Variants in PGM2L1 observed in about 807,000 individuals in gnomAD.
The protein encoded by PGM2L1 is glucose 1,6-bisphosphate synthase.
Under a neutral mutation model 73.4 loss-of-function variants are expected in PGM2L1, and 35 were observed. The observed-to-expected ratio is 0.48, with a 90% CI of 0.36 to 0.63. The LOEUF is 0.63. Among genes scored for constraint, PGM2L1 ranks in the 30% least tolerant of loss-of-function variants. The pLI, the probability that PGM2L1 is intolerant of heterozygous loss-of-function variation, is 0.00. For missense variants in PGM2L1, 570 were observed against 742.0 expected, an observed-to-expected ratio of 0.77 and a Z score of 2.69; for synonymous variants, 225 against 253.8, an observed-to-expected ratio of 0.89 and a Z score of 1.08.
rs922979621 is a variant in PGM2L1 at position 74,371,927 on chromosome 11, T to C, written c.280-110A>G. 5.5e-6 allele frequency: 5 copies of C among 909,342 alleles called. 1 individual carries two copies. Among genetic ancestry groups the C allele is most frequent in the Non-Finnish European group, 8.9e-6 (5 of 564,636 alleles). 56.3% of individuals were successfully genotyped at this position (909,342 alleles called of 1,614,324 possible). A position where few individuals can be genotyped will look rare whatever the true frequency, so the allele number is the denominator to read the frequency against. On this transcript the variant is annotated intron_variant, in intron 2 of 13. Coordinates refer to ENST00000298198, the MANE Select transcript of PGM2L1 (RefSeq NM_173582.6). ...TGCAGCTGACTGGCTGCTAGGGAAG[T>C]GGCTTCTGCCTTTATGCCCATGTTT...
At chr11:74,374,787 A>G (rs183329605) in intron 1 of PGM2L1, among the ~76,000 whole-genome samples, 27 of 152,328 alleles carry the variant, frequency 1.8e-4, no homozygotes, top group Non-Finnish European at 3.1e-4. Context: ...GGTGATTTAT[A>G]TATCTTTTAA....
At chr11:74,345,285 G>A (rs1043915166) in intron 9 of PGM2L1, among the ~76,000 whole-genome samples, 184 bp downstream of exon 9, 2 of 151,926 alleles carry the variant, frequency 1.3e-5, no homozygotes, top group African/African-American at 4.8e-5. Flanking sequence ...ATTCATATAC[G>A]GTACTGGATG....
intron 12 of PGM2L1, among the ~76,000 whole-genome samples, chr11:74,339,969 C>T (rs1174882980): frequency 6.6e-6 from 1 of 152,210 alleles, no homozygotes; most frequent in Admixed American, 6.5e-5. Context: ...CATGCCTCCC[C>T]TGGTAGCACT....
chr11:74,367,350 C>T (rs3867272), intron 5 of PGM2L1, among the ~76,000 whole-genome samples: 82,419 of 151,978 alleles, frequency 0.54, 24,612 homozygotes, highest in East Asian at 0.8. Flanking sequence ...CCTATAATTC[C>T]TTGCACTCTT....
intron 1 of PGM2L1, among the ~76,000 whole-genome samples, chr11:74,394,663 C>T (rs1245627106): frequency 2.6e-5 from 4 of 152,160 alleles, no homozygotes. Flanking sequence ...GTTCTTAATA[C>T]ACACATTAAA....
intron 13 of PGM2L1, 25 bp downstream of exon 13, chr11:74,338,443 A>G (rs776868261): frequency 6.6e-7 from 1 of 1,508,246 alleles, no homozygotes. Flanking sequence ...TTTTGTATGT[A>G]TATCTTAAAA....
rs186899177 is a variant in PGM2L1 at position 74,338,605 on chromosome 11, T to G, written c.1633-4A>C. On this transcript the variant is annotated splice_region_variant and splice_polypyrimidine_tract_variant and intron_variant, in intron 12 of 13. Transcript: ENST00000298198. ...TGTTTTTACTCACAGGCAGCACCTA[T>G]GCAAAATGGCAACAACAGCTTAATT... The G allele has an allele frequency of 1.3e-6, 2 of 1,580,894 alleles. No homozygotes were observed. Among genetic ancestry groups the G allele is most frequent in the African/African-American group, 2.7e-5 (2 of 74,398 alleles).
rs562546382 is a variant in PGM2L1, at chr11:74,345,589, A to C, written c.1098T>G (p.Phe366Leu). The change falls in exon 9 of 14, where the codon TTT becomes TTG. Residue 366 changes from phenylalanine (F) to leucine (L), a missense_variant. Transcript: ENST00000298198. The part of the protein sequence containing the change: ...ELAALFGWWM[F>L]DCWKKNKSRN... ...TTGATTTATTTTTCTTCCAGCAATC[A>C]AACATCCACCATCCAAACAAAGCTG... The C allele has an allele frequency of 4.3e-6, 7 of 1,613,890 alleles. No individual in the cohort carries two copies. In the African/African-American group the frequency reaches 8.0e-5, roughly 18 times the overall value.
In PGM2L1 at chr11:74,345,496, A is replaced by G; in HGVS notation, c.1191T>C (p.Ile397=). Residue 397 remains isoleucine, a synonymous_variant, in exon 9 of 14, where the codon ATT becomes ATC. Coordinates refer to ENST00000298198, the MANE Select transcript of PGM2L1 (RefSeq NM_173582.6). Reference sequence around the variant, plus strand: ...CAAAATGAAATCCTTCTTTAAGTGCAATTGCCTTCAGAATTTTAGAAGAGA... The same window carrying G: ...CAAAATGAAATCCTTCTTTAAGTGCGATTGCCTTCAGAATTTTAGAAGAGA... ...TTVSSKILKA[I]ALKEGFHFEE... is the part of the protein sequence containing the mutation. 1 of 1,612,456 alleles carries G rather than the reference A, an allele frequency of 6.2e-7. No individual in the cohort carries two copies. The highest frequency in any genetic ancestry group is 8.5e-7 in the Non-Finnish European group (1 of 1,178,788).
In PGM2L1 at chr11:74,368,562, T is replaced by C. The variant is rs1416506308; in HGVS notation, c.485A>G (p.Gln162Arg). ...VPTPFVPYAVQKLKAVAGVMI... is the reference protein window; with the variant it reads ...VPTPFVPYAVRKLKAVAGVMI... The stretch of plus-strand genomic sequence containing the variant: ...CACACCTGCAACTGCTTTGAGCTTC[T>C]GAACTGCATATGGCTGAAAAATAAA... Residue 162 changes from glutamine to arginine, a missense_variant, in exon 5 of 14, where the codon CAG becomes CGG. Gln to Arg is a conservative substitution (Grantham distance 43). Transcript: ENST00000298198. 1.2e-6 allele frequency: 2 copies of C among 1,613,756 alleles called. No homozygotes were observed. Among genetic ancestry groups the C allele is most frequent in the East Asian group, 4.5e-5 (2 of 44,854 alleles).
At chr11:74,343,772 T>G (rs1862220611) in intron 9 of PGM2L1, among the ~76,000 whole-genome samples, 1 of 123,512 alleles carries the variant, frequency 8.1e-6, no homozygotes, top group Non-Finnish European at 1.7e-5. Flanking sequence ...ACATTATCTT[T>G]TTTTTTTTTT....
chr11:74,355,598 A>G, intron 5 of PGM2L1: 1 of 412,092 alleles, frequency 2.4e-6, no homozygotes, highest in Non-Finnish European at 4.6e-6. Context: ...CATGAAGGGA[A>G]GAAACTTTGG....
At position 74,335,418 on chromosome 11, in the gene PGM2L1, C is replaced by T. The variant is rs1291469670; in HGVS notation, c.*1234G>A. ...TACAGGCGTGAGCCACTGCGCCCAG[C>T]CCAAAAGTGACTTTTTGTAAAAAAT... On this transcript the variant is annotated 3_prime_UTR_variant, in exon 14 of 14. Coordinates refer to ENST00000298198, the MANE Select transcript of PGM2L1 (RefSeq NM_173582.6). 5 of 152,094 alleles carry T rather than the reference C, an allele frequency of 3.3e-5. No individual in the cohort carries two copies. Among genetic ancestry groups the T allele is most frequent in the African/African-American group, 1.2e-4 (5 of 41,404 alleles). 9.4% of individuals were successfully genotyped at this position (152,094 alleles called of 1,614,324 possible).
At chr11:74,352,814 G>A (rs1336091411) in intron 5 of PGM2L1, among the ~76,000 whole-genome samples, 3 of 152,210 alleles carry the variant, frequency 2.0e-5, no homozygotes, top group African/African-American at 7.2e-5. Flanking sequence ...TGATAAGCCT[G>A]TGGGACTGAT....
At chr11:74,368,695 T>C (rs896697197) in intron 4 of PGM2L1, 120 bp from the exon 5 acceptor site, 1 of 648,582 alleles carries the variant, frequency 1.5e-6, no homozygotes, top group African/African-American at 1.8e-5. Context: ...CTTTTGTTGA[T>C]ACCCTCTTTA....
At chr11:74,340,781 C>A (rs1029145379) in intron 12 of PGM2L1, among the ~76,000 whole-genome samples, 3 of 151,940 alleles carry the variant, frequency 2.0e-5, no homozygotes, top group African/African-American at 7.3e-5. Context: ...TGTAATGAAA[C>A]CTGAAGAGGA....
chr11:74,383,362 A>C (rs2134945788), intron 1 of PGM2L1, among the ~76,000 whole-genome samples: 1 of 152,248 alleles, frequency 6.6e-6, no homozygotes, highest in South Asian at 2.1e-4. Context: ...AAAAAATGTG[A>C]TTGTTCCTTA....
At position 74,334,214 on chromosome 11, in the gene PGM2L1, T is replaced by C. The variant is rs1862057108; in HGVS notation, c.*2438A>G. The C allele has an allele frequency of 6.6e-6, 1 of 152,238 alleles. No homozygotes were observed. Among genetic ancestry groups the C allele is most frequent in the Non-Finnish European group, 1.5e-5 (1 of 68,040 alleles). 9.4% of individuals were successfully genotyped at this position (152,238 alleles called of 1,614,324 possible). The stretch of plus-strand genomic sequence containing the variant: ...ATTAAAGCACTCAAATAAAACTGTT[T>C]TCTTCATAATAGAATGACAGTCATG... On this transcript the variant is annotated 3_prime_UTR_variant, in exon 14 of 14. Coordinates refer to ENST00000298198, the MANE Select transcript of PGM2L1 (RefSeq NM_173582.6).
chr11:74,383,160 T>A (rs1174900346), intron 1 of PGM2L1, among the ~76,000 whole-genome samples: 1 of 152,178 alleles, frequency 6.6e-6, no homozygotes, highest in African/African-American at 2.4e-5. Flanking sequence ...GCAAGCCACA[T>A]GTTAATAGAA....
Sources: gnomAD v4.1 joint callset for allele counts (sites outside exome capture counted in the v4.1 genomes callset) on GRCh38, gnomAD v4.1.1 for gene constraint, MANE v1.5 for transcripts, NCBI Gene and HGNC (gene_info 2026-07-23, HGNC 2026-07-21) for gene names.